Variants in SHLD2 observed in about 807,000 individuals in gnomAD.
SHLD2 encodes the protein shieldin complex subunit 2.
A neutral mutation model predicts 73.2 loss-of-function variants in SHLD2; 30 were observed. The observed-to-expected ratio is 0.41, with a 90% CI of 0.31 to 0.56. SHLD2 has a LOEUF of 0.56. SHLD2 is among the 20% of genes least tolerant of loss of function. The pLI is 0.28. For synonymous variants in SHLD2, 285 were observed against 370.1 expected (o/e 0.77, Z 2.64); for missense variants, 745 against 1,055.9 (o/e 0.71, Z 4.08).
chr10:87,105,800 G>A lies in SHLD2; in HGVS notation c.-6+8811G>A, dbSNP rs1260881039. On this transcript the variant is annotated intron_variant, in intron 2 of 9. Coordinates refer to ENST00000298786, the MANE Select transcript of SHLD2 (RefSeq NM_001330112.2). ...AGCAGTTTCCTCCTGTGCATATCCC[G>A]GTATTAGTGAAGAAACCTTTTCCAA... Among the ~76,000 whole-genome samples, 24 of 152,084 alleles carry A rather than the reference G, an allele frequency of 1.6e-4. 1 individual carries two copies. The highest frequency in any genetic ancestry group is 1.2e-3 in the South Asian group (6 of 4,818).
At chr10:87,099,582 A>G (rs112466515) in intron 2 of SHLD2, among the ~76,000 whole-genome samples, 4,604 of 152,268 alleles carry the variant, frequency 0.03, 249 homozygotes, top group African/African-American at 0.1. Flanking sequence ...CACTTGGATT[A>G]TTTCCACTTT....
chr10:87,097,387 C>A (rs1024862625), intron 2 of SHLD2, among the ~76,000 whole-genome samples: 1 of 151,966 alleles, frequency 6.6e-6, no homozygotes, highest in Admixed American at 6.6e-5. Context: ...ACAGTGAAAC[C>A]TTGTCTCTAC....
At position 87,187,089 on chromosome 10, in the gene SHLD2, G is replaced by A; in HGVS notation, c.2404G>A (p.Ala802Thr). The change falls in exon 9 of 10, where the codon GCG becomes ACG. Residue 802 changes from alanine to threonine, a missense_variant. Around this residue, in one of 5 missense-constraint regions of SHLD2, gnomAD observed 418 missense variants for 567.8 expected, o/e 0.74. Transcript: ENST00000298786. ...GTGTTGTTTACTCTTTTGTAGGCCA[G>A]CGTTAATGACTGCCATTGATGGAAG... ...FTMKKIYYRP[A>T]LMTAIDGRHD... 1.2e-6 allele frequency: 2 copies of A among 1,604,612 alleles called. No individual in the cohort carries two copies. Among genetic ancestry groups the A allele is most frequent in the Non-Finnish European group, 1.7e-6 (2 of 1,171,638 alleles).
In SHLD2 at chr10:87,128,064, T is replaced by C. The variant is rs548488512; in HGVS notation, c.-5-23286T>C. Among the ~76,000 whole-genome samples, 101 of 152,310 alleles carry C rather than the reference T, an allele frequency of 6.6e-4. 4 individuals are homozygous for C. In the South Asian group the frequency reaches 0.02, roughly 30 times the overall value. On this transcript the variant is annotated intron_variant, in intron 2 of 9. Coordinates refer to ENST00000298786, the MANE Select transcript of SHLD2 (RefSeq NM_001330112.2). Reference sequence around the variant, plus strand: ...TCCCATATTCCATATTTTTTAACCTTAATTTTTTTTCCCCTCAAATGTTAT... The same window carrying C: ...TCCCATATTCCATATTTTTTAACCTCAATTTTTTTTCCCCTCAAATGTTAT...
chr10:87,186,467 G>A (rs1848625340), intron 8 of SHLD2, among the ~76,000 whole-genome samples: 1 of 152,184 alleles, frequency 6.6e-6, no homozygotes, highest in African/African-American at 2.4e-5. Context: ...CTGGTGAGAA[G>A]GTTTTTTGTA....
intron 8 of SHLD2, among the ~76,000 whole-genome samples, chr10:87,181,218 C>CAAA (rs1240727171): frequency 2.8e-5 from 3 of 108,322 alleles, no homozygotes; most frequent in South Asian, 3.2e-4. Context: ...CCATCTCTAC[C>CAAA]AAAAAAAAAA....
At chr10:87,133,035 G>T (rs973264348) in intron 2 of SHLD2, among the ~76,000 whole-genome samples, 9 of 152,070 alleles carry the variant, frequency 5.9e-5, no homozygotes, top group Non-Finnish European at 1.3e-4. Flanking sequence ...AGGTTAACTT[G>T]CCAAAGGTCA....
At chr10:87,100,635 G>A (rs1380127186) in intron 2 of SHLD2, among the ~76,000 whole-genome samples, 1 of 151,932 alleles carries the variant, frequency 6.6e-6, no homozygotes, top group Non-Finnish European at 1.5e-5. Context: ...GTGCCACTAC[G>A]CCCAGCTAAT....
intron 2 of SHLD2, among the ~76,000 whole-genome samples, chr10:87,119,543 C>T (rs1438064753): frequency 1.3e-5 from 2 of 152,034 alleles, no homozygotes; most frequent in African/African-American, 2.4e-5. Flanking sequence ...GGGTGGATCA[C>T]GAGATCAAGA....
intron 2 of SHLD2, among the ~76,000 whole-genome samples, chr10:87,124,426 C>T (rs977996328): frequency 1.5e-4 from 23 of 152,004 alleles, no homozygotes; most frequent in African/African-American, 5.6e-4. Flanking sequence ...GTCCCAACTA[C>T]TTGGGATGCT....
upstream of SHLD2, chr10:87,094,859 G>A (rs1469450307): frequency 3.7e-6 from 4 of 1,083,474 alleles, no homozygotes; most frequent in Non-Finnish European, 1.3e-6. The surrounding 1 kb of genome is among the most constrained non-coding windows in gnomAD (Gnocchi z 6.6). Flanking sequence ...GTCCCGCGCG[G>A]GTTGCCCTTT....
intron 2 of SHLD2, among the ~76,000 whole-genome samples, chr10:87,098,285 G>A (rs1173682090): frequency 6.6e-6 from 1 of 151,724 alleles, no homozygotes; most frequent in Non-Finnish European, 1.5e-5. Context: ...AGGCTGAGGC[G>A]GGCGGATCAC....
chr10:87,164,491 A>T (rs1057079332), intron 4 of SHLD2, among the ~76,000 whole-genome samples: 25 of 151,390 alleles, frequency 1.7e-4, no homozygotes, highest in African/African-American at 5.1e-4. Context: ...GGGCTTCAGC[A>T]GTCCACCCAT....
At chr10:87,176,383 C>T (rs1456923264) in intron 7 of SHLD2, among the ~76,000 whole-genome samples, 1 of 152,146 alleles carries the variant, frequency 6.6e-6, no homozygotes, top group Non-Finnish European at 1.5e-5. Context: ...CTCCTGGACT[C>T]AAGTGATCCT....
Position 87,158,080 on chromosome 10 carries a change from G to A in SHLD2, c.1558G>A (p.Glu520Lys), listed in dbSNP as rs1206103058. The change falls in exon 4 of 10, where the codon GAG becomes AAG. Residue 520 changes from glutamate to lysine, a missense_variant. Coordinates refer to ENST00000298786, the MANE Select transcript of SHLD2 (RefSeq NM_001330112.2). ...TATTCATGAGGACCAATGGATTGGCGAGACAGTACTACAATCAACATTTAG... is the reference window on the plus strand; with the variant it reads ...TATTCATGAGGACCAATGGATTGGCAAGACAGTACTACAATCAACATTTAG... ...VVIHEDQWIG[E>K]TVLQSTFSSQ... 1.9e-6 allele frequency: 3 copies of A among 1,611,292 alleles called. No individual in the cohort carries two copies. Among genetic ancestry groups the A allele is most frequent in the East Asian group, 2.2e-5 (1 of 44,788 alleles).
At chr10:87,127,699 T>C (rs1344122174) in intron 2 of SHLD2, among the ~76,000 whole-genome samples, 2 of 151,406 alleles carry the variant, frequency 1.3e-5, no homozygotes, top group African/African-American at 4.9e-5. Flanking sequence ...ATCTCAGTTA[T>C]TAGAAAAAAC....
chr10:87,155,787 T>A (rs1185756121), intron 3 of SHLD2, among the ~76,000 whole-genome samples: 3 of 152,192 alleles, frequency 2.0e-5, no homozygotes, highest in Non-Finnish European at 2.9e-5. Flanking sequence ...TTCTCTCTGG[T>A]GGCTGAAATG....
At chr10:87,170,140 G>A (rs948102356) in intron 4 of SHLD2, among the ~76,000 whole-genome samples, 1 of 152,162 alleles carries the variant, frequency 6.6e-6, no homozygotes, top group African/African-American at 2.4e-5. Flanking sequence ...GGAACCAATT[G>A]GCTGTTACAG....
chr10:87,120,228 G>GTATTTATT (rs10623819), intron 2 of SHLD2, among the ~76,000 whole-genome samples: 17,226 of 145,194 alleles, frequency 0.12, 1,085 homozygotes, highest in Non-Finnish European at 0.13. Context: ...AAGTGTTGAG[G>GTATTTATT]TATTTATTTA....
Sources: allele counts gnomAD v4.1 joint callset (sites outside exome capture counted in the v4.1 genomes callset), GRCh38; gene constraint gnomAD v4.1.1; regional missense constraint gnomAD v4.1.1; non-coding constraint Gnocchi (gnomAD v3.1); transcripts MANE v1.5; gene names NCBI Gene and HGNC (gene_info 2026-07-23, HGNC 2026-07-21).